The following UNC45B variants were observed in gnomAD, a reference collection of about 807,000 sequenced individuals.
UNC45B encodes the protein protein unc-45 homolog B.
UNC45B carries 78 observed loss-of-function variants against 98.7 expected under a neutral mutation model. The ratio of observed to expected loss-of-function variants is 0.79; its 90% confidence interval spans 0.66 to 0.95. The LOEUF (loss-of-function observed/expected upper bound fraction) is 0.95. Among genes scored for constraint, UNC45B ranks in the 40% least tolerant of loss-of-function variants. UNC45B has a pLI of 0.00. For missense variants in UNC45B, 1,225 were observed against 1,184.9 expected, an observed-to-expected ratio of 1.03 and a Z score of -0.50; for synonymous variants, 462 against 480.4, an observed-to-expected ratio of 0.96 and a Z score of 0.50.
chr17:35,160,282 T>G (rs1460828930), intron 8 of UNC45B, among the ~76,000 whole-genome samples: 3 of 152,326 alleles, frequency 2.0e-5, no homozygotes, highest in Non-Finnish European at 4.4e-5. Context: ...CCTAGAGTAA[T>G]TTATTAAACC....
chr17:35,155,951 C>T lies in UNC45B; in HGVS notation c.808+487C>T, dbSNP rs9892347. On this transcript the variant is annotated intron_variant, in intron 7 of 19. Transcript: ENST00000394570. ...TGCTAAAAGATGGATACAACTCAAG[C>T]GTCTATTGGTGGGTGACTGGATGAG... Among the ~76,000 whole-genome samples, 791 of 152,254 alleles carry T rather than the reference C, an allele frequency of 5.2e-3. 9 individuals carry two copies. The highest frequency in any genetic ancestry group is 0.018 in the African/African-American group (747 of 41,562).
chr17:35,166,074 G>A (rs8071919), intron 9 of UNC45B, among the ~76,000 whole-genome samples: 247 of 80,344 alleles, frequency 3.1e-3, no homozygotes, highest in Admixed American at 7.7e-3. Context: ...AATGTAGAGA[G>A]ACCCTCATCT....
In UNC45B at chr17:35,164,124, C is replaced by T. The variant is rs200620770; in HGVS notation, c.1109C>T (p.Pro370Leu). Residue 370 changes from proline (P) to leucine (L), a missense_variant, in exon 9 of 20, where the codon CCG (proline) becomes CTG (leucine). Physicochemically the swap from Pro to Leu is moderately conservative, Grantham distance 98. Coordinates refer to ENST00000394570, the MANE Select transcript of UNC45B (RefSeq NM_001267052.2). The part of the protein sequence containing the change: ...NKLYDDLRCD[P>L]ERDHFRKICE... ...CTCTATGATGACCTGCGCTGTGACC[C>T]GGAGCGCGATCACTTCCGCAAGATC... 1.3e-4 allele frequency: 204 copies of T among 1,613,534 alleles called. No homozygotes were observed. The East Asian group carries it at 3.7e-3, about 29-fold the overall frequency.
At chr17:35,183,291 G>T in intron 18 of UNC45B, 136 bp from the exon 19 acceptor site, 1 of 915,210 alleles carries the variant, frequency 1.1e-6, no homozygotes, top group Non-Finnish European at 1.5e-6. Flanking sequence ...GCTTCTTGGG[G>T]GAGGTAGCAT....
At chr17:35,149,574 G>A (rs2092001556) in intron 3 of UNC45B, among the ~76,000 whole-genome samples, 1 of 152,124 alleles carries the variant, frequency 6.6e-6, no homozygotes, top group African/African-American at 2.4e-5. Context: ...CTGCCACCAC[G>A]CCCAGCTAAT....
chr17:35,165,148 A>G (rs1567759973), intron 9 of UNC45B, among the ~76,000 whole-genome samples: 2 of 152,294 alleles, frequency 1.3e-5, no homozygotes, highest in African/African-American at 4.8e-5. Context: ...ACAGGCATCA[A>G]CTACCTTGCC....
intron 17 of UNC45B, 121 bp downstream of exon 17, chr17:35,177,731 T>A (rs1179741906): frequency 1.3e-6 from 1 of 748,500 alleles, no homozygotes; most frequent in African/African-American, 1.8e-5. Flanking sequence ...AGGGGTGGGA[T>A]TTGAGTTAGC....
In UNC45B at chr17:35,170,726, C is replaced by T. The variant is rs139638537; in HGVS notation, c.1689+471C>T. 3.0e-3 allele frequency among the ~76,000 whole-genome samples: 463 copies of T among 152,108 alleles called. 1 individual carries two copies. Among genetic ancestry groups the T allele is most frequent in the African/African-American group, 0.011 (438 of 41,476 alleles). On this transcript the variant is annotated intron_variant, in intron 12 of 19. Transcript: ENST00000394570. Reference sequence around the variant, plus strand: ...TGGCACATACCTGTAATCCCAGCTACTCGGGAGGCTGAGGTGGGAGGATTG... The same window carrying T: ...TGGCACATACCTGTAATCCCAGCTATTCGGGAGGCTGAGGTGGGAGGATTG...
chr17:35,149,386 GTTGT>G (rs2092000061), intron 3 of UNC45B, among the ~76,000 whole-genome samples: 1 of 151,986 alleles, frequency 6.6e-6, no homozygotes, highest in Admixed American at 6.6e-5. Context: ...TGTTGTTGTT[GTTGT>G]TTGTTTTGTT....
intron 9 of UNC45B, chr17:35,167,112 G>A (rs1421984780): frequency 6.6e-6 from 1 of 152,372 alleles, no homozygotes; most frequent in East Asian, 1.9e-4. Context: ...GATCACCAGA[G>A]GGGAGTGACT....
intron 5 of UNC45B, among the ~76,000 whole-genome samples, chr17:35,153,225 G>T (rs1469497478): frequency 6.6e-6 from 1 of 152,074 alleles, no homozygotes; most frequent in African/African-American, 2.4e-5. Context: ...TTGATGTTTT[G>T]TTCATCATGG....
In UNC45B at chr17:35,186,761, G is replaced by A; in HGVS notation, c.*202G>A. ...GTTTGGATGTTTCACTCTCTCTCTT[G>A]CTTCCTGTCTCCTTATATTTGTCAT... On this transcript the variant is annotated 3_prime_UTR_variant, in exon 20 of 20. Transcript: ENST00000394570. 1.9e-6 allele frequency: 1 copy of A among 518,920 alleles called. No homozygotes were observed. Among genetic ancestry groups the A allele is most frequent in the Non-Finnish European group, 3.3e-6 (1 of 303,046 alleles). The allele number at this position is 518,920 out of a possible 1,614,324, so 32.1% of individuals were successfully genotyped here.
intron 18 of UNC45B, among the ~76,000 whole-genome samples, chr17:35,183,181 C>A (rs2092283832): frequency 6.7e-6 from 1 of 150,032 alleles, no homozygotes; most frequent in Non-Finnish European, 1.5e-5. Flanking sequence ...GGTGTGGAGG[C>A]TGAATGCAAA....
intron 7 of UNC45B, among the ~76,000 whole-genome samples, chr17:35,157,878 T>C (rs1446820588): frequency 1.3e-5 from 2 of 152,364 alleles, no homozygotes; most frequent in African/African-American, 2.4e-5. Context: ...TAAGAGTTTT[T>C]TTTTGTTGTT....
rs1448720057 is a variant in UNC45B, at chr17:35,189,170, G to T, written c.*2611G>T. 6.6e-6 allele frequency: 1 copy of T among 152,062 alleles called. No homozygotes were observed. The highest frequency in any genetic ancestry group is 1.5e-5 in the Non-Finnish European group (1 of 67,998). The allele number at this position is 152,062 out of a possible 1,614,324, so 9.4% of individuals were successfully genotyped here. A position where few individuals can be genotyped will look rare whatever the true frequency, so the allele number is the denominator to read the frequency against. On this transcript the variant is annotated 3_prime_UTR_variant, in exon 20 of 20. Transcript: ENST00000394570. The stretch of plus-strand genomic sequence containing the variant: ...ATTTATATTATTACTTTTAACTGAA[G>T]TATGTTGTTATCAGAGAACTTGGTC...
intron 13 of UNC45B, among the ~76,000 whole-genome samples, chr17:35,171,955 A>G (rs2092190209): frequency 6.6e-6 from 1 of 152,052 alleles, no homozygotes; most frequent in Non-Finnish European, 1.5e-5. Flanking sequence ...GTTTAAGAAT[A>G]TATGCAAGAT....
At position 35,180,652 on chromosome 17, in the gene UNC45B, G is replaced by A. The variant is rs1327986505; in HGVS notation, c.2349G>A (p.Met783Ile). 10 of 1,613,724 alleles carry A rather than the reference G, an allele frequency of 6.2e-6. No individual in the cohort carries two copies. Among genetic ancestry groups the A allele is most frequent in the Non-Finnish European group, 8.5e-6 (10 of 1,179,906 alleles). ...DQLRQAATECMCNMVLHKEVQ... is the reference protein window; with the variant it reads ...DQLRQAATECICNMVLHKEVQ... ...TGCGGCAGGCGGCCACCGAGTGCAT[G>A]TGCAACATGGTGCTCCACAAGGAGG... Residue 783 changes from methionine (M) to isoleucine (I), a missense_variant, in exon 18 of 20, where the codon ATG becomes ATA. Transcript: ENST00000394570.
rs2092304849 is a variant in UNC45B, at chr17:35,186,438, TG to T, written c.2671del (p.Glu891ArgfsTer3). 1 of 1,614,212 alleles carries T rather than the reference TG, an allele frequency of 6.2e-7. No homozygotes were observed. The highest frequency in any genetic ancestry group is 8.5e-7 in the Non-Finnish European group (1 of 1,180,032). ...AAGAAGCTGGTGGAGAGTGAGCTGC[TG>T]GAGATCCTGACTGTGGTGGGCAAAC... ...LAKKLVESEL[L>X]EILTVVGKQE... On this transcript the variant is annotated frameshift_variant, in exon 20 of 20. Coordinates refer to ENST00000394570, the MANE Select transcript of UNC45B (RefSeq NM_001267052.2). LOFTEE classifies it high-confidence loss of function.
At chr17:35,176,293 T>C (rs977638508) in intron 15 of UNC45B, among the ~76,000 whole-genome samples, 1 of 152,134 alleles carries the variant, frequency 6.6e-6, no homozygotes, top group Admixed American at 6.5e-5. Flanking sequence ...TGTAGAAGAC[T>C]TGTAGTTGAG....
Sources: gnomAD v4.1 joint callset for allele counts (sites outside exome capture counted in the v4.1 genomes callset) on GRCh38, gnomAD v4.1.1 for gene constraint, MANE v1.5 for transcripts, NCBI Gene and HGNC (gene_info 2026-07-23, HGNC 2026-07-21) for gene names.